Variants in DPP6 observed in about 807,000 individuals in gnomAD.
DPP6 encodes A-type potassium channel modulatory protein DPP6.
In DPP6, 69 loss-of-function variants were observed where a neutral mutation model predicts 122.6. The observed-to-expected ratio is 0.56, with a 90% CI of 0.46 to 0.69. The LOEUF (loss-of-function observed/expected upper bound fraction) is 0.69. Ranked by LOEUF, DPP6 falls within the 30% of genes least tolerant of loss-of-function variation. DPP6 has a pLI of 0.00. For missense variants in DPP6, 928 were observed against 1,116.9 expected (o/e 0.83, Z 2.41); for synonymous variants, 418 against 433.1 (o/e 0.97, Z 0.43).
the DPP6 span, among the ~76,000 whole-genome samples, chr7:153,838,229 C>T: frequency 1.3e-5 from 2 of 152,090 alleles, no homozygotes; most frequent in African/African-American, 2.4e-5. Flanking sequence ...TTCCACACTC[C>T]AAGCAGCAGT....
chr7:153,778,795 A>G, the DPP6 span, among the ~76,000 whole-genome samples: 1 of 151,318 alleles, frequency 6.6e-6, no homozygotes, highest in African/African-American at 2.5e-5. Context: ...GTAAAGTTAG[A>G]CATTCCTTTA....
At chr7:154,574,626 G>GT (rs1831377257) in intron 5 of DPP6, among the ~76,000 whole-genome samples, 1 of 128,348 alleles carries the variant, frequency 7.8e-6, no homozygotes, top group African/African-American at 2.9e-5. Context: ...GTATGTGTGT[G>GT]GTGTGTGTGT....
At chr7:154,662,886 G>A (rs1837843856) in intron 6 of DPP6, among the ~76,000 whole-genome samples, 1 of 52,106 alleles carries the variant, frequency 1.9e-5, no homozygotes, top group Non-Finnish European at 5.3e-5. Flanking sequence ...TATAGTCATG[G>A]TGAATCACCA....
At chr7:153,790,067 G>A in the DPP6 span, among the ~76,000 whole-genome samples, 1 of 151,974 alleles carries the variant, frequency 6.6e-6, no homozygotes, top group Non-Finnish European at 1.5e-5. Flanking sequence ...ACTACAAAAT[G>A]AATAATTTCA....
intron 1 of DPP6, among the ~76,000 whole-genome samples, chr7:154,267,652 A>T: frequency 6.7e-6 from 1 of 148,396 alleles, no homozygotes; most frequent in African/African-American, 2.6e-5. Context: ...ACATATATGC[A>T]CACATACATA....
In DPP6 at chr7:153,987,733, C is replaced by T. The variant is rs180676340; in HGVS notation, c.51+99999C>T. Among the ~76,000 whole-genome samples, 452 of 152,176 alleles carry T rather than the reference C, an allele frequency of 3.0e-3. 2 individuals are homozygous for T. Among genetic ancestry groups the T allele is most frequent in the African/African-American group, 9.9e-3 (409 of 41,516 alleles). On this transcript the variant is annotated intron_variant, in intron 1 of 25. Transcript: ENST00000404039. ...GTGCTGCAGCTGGGGAGGACTTTCT[C>T]CATCTGTTTCCCCTTGGTACCATTG... is the stretch of plus-strand genomic sequence containing the variant.
chr7:154,086,659 C>T (rs1804446215), intron 1 of DPP6, among the ~76,000 whole-genome samples: 1 of 148,974 alleles, frequency 6.7e-6, no homozygotes. Flanking sequence ...CGCTCTGTCA[C>T]CCAGGCTGGA....
chr7:153,840,599 G>T, the DPP6 span, among the ~76,000 whole-genome samples: 1 of 152,114 alleles, frequency 6.6e-6, no homozygotes, highest in Admixed American at 6.6e-5. Context: ...AAGTGACTTG[G>T]AAATAAACAG....
At chr7:153,788,501 T>G in the DPP6 span, among the ~76,000 whole-genome samples, 6 of 152,220 alleles carry the variant, frequency 3.9e-5, no homozygotes, top group South Asian at 1.0e-3. Context: ...GTTGACATTT[T>G]AACATAAAAT....
chr7:154,522,460 G>C (rs1827074998), intron 3 of DPP6, among the ~76,000 whole-genome samples: 1 of 152,134 alleles, frequency 6.6e-6, no homozygotes, highest in Non-Finnish European at 1.5e-5. Flanking sequence ...TTAGGGTCTT[G>C]GAGAAGCTGG....
At chr7:154,083,268 G>A (rs1804163222) in intron 1 of DPP6, among the ~76,000 whole-genome samples, 1 of 152,042 alleles carries the variant, frequency 6.6e-6, no homozygotes, top group African/African-American at 2.4e-5. Flanking sequence ...TAAGGGATGA[G>A]GAAGCCCTCC....
At chr7:153,865,126 A>T in the DPP6 span, among the ~76,000 whole-genome samples, 1 of 152,142 alleles carries the variant, frequency 6.6e-6, no homozygotes, top group Admixed American at 6.5e-5. Context: ...CATGTAGTAA[A>T]TGTATTTTAC....
At chr7:154,373,101 T>C (rs898137492) in intron 1 of DPP6, among the ~76,000 whole-genome samples, 1 of 152,174 alleles carries the variant, frequency 6.6e-6, no homozygotes, top group Non-Finnish European at 1.5e-5. Context: ...CCTCACATTC[T>C]TTCATTTAAA....
intron 8 of DPP6, among the ~76,000 whole-genome samples, chr7:154,748,076 C>T (rs116839963): frequency 2.0e-5 from 3 of 152,164 alleles, no homozygotes; most frequent in Admixed American, 6.5e-5. Context: ...AGGAGACACT[C>T]GGAACTCAAC....
In DPP6 at chr7:154,130,156, T is replaced by G. The variant is rs536075322; in HGVS notation, c.243+77093T>G. 1.8e-4 allele frequency among the ~76,000 whole-genome samples: 27 copies of G among 151,340 alleles called. 1 individual carries two copies. Among genetic ancestry groups the G allele is most frequent in the Middle Eastern group, 3.5e-3 (1 of 288 alleles). On this transcript the variant is annotated intron_variant, in intron 1 of 25. Coordinates refer to ENST00000377770, the MANE Select transcript of DPP6 (RefSeq NM_130797.4). ...AACACAGACAAATTCAAAGAGGACA[T>G]GGAAGCTTAAGCTAGAAGACAAAGA...
At chr7:153,836,420 T>C in the DPP6 span, among the ~76,000 whole-genome samples, 5 of 152,324 alleles carry the variant, frequency 3.3e-5, 1 homozygote, top group African/African-American at 1.2e-4. Flanking sequence ...GTATCTAATA[T>C]AGCAGTTTGC....
chr7:153,830,952 T>C, the DPP6 span, among the ~76,000 whole-genome samples: 11 of 152,202 alleles, frequency 7.2e-5, no homozygotes, highest in Non-Finnish European at 5.9e-5. Flanking sequence ...TCCATACATA[T>C]AACTGATTTA....
intron 1 of DPP6, among the ~76,000 whole-genome samples, chr7:154,003,557 G>A (rs965409816): frequency 5.9e-5 from 9 of 152,136 alleles, no homozygotes; most frequent in Non-Finnish European, 1.0e-4. Flanking sequence ...AGACTTAGTG[G>A]GCTTAAGACA....
At chr7:154,223,636 A>G (rs974977002) in intron 1 of DPP6, among the ~76,000 whole-genome samples, 6 of 149,216 alleles carry the variant, frequency 4.0e-5, no homozygotes, top group Non-Finnish European at 7.4e-5. Context: ...TATTCTAGGC[A>G]GAAACATGTG....
Sources: gnomAD v4.1 joint callset for allele counts (sites outside exome capture counted in the v4.1 genomes callset) on GRCh38, gnomAD v4.1.1 for gene constraint, MANE v1.5 for transcripts, NCBI Gene and HGNC (gene_info 2026-07-23, HGNC 2026-07-21) for gene names.